CPA6: variants seen among roughly 807,000 people sequenced by gnomAD.
CPA6 encodes the protein carboxypeptidase A6.
In CPA6, 58 loss-of-function variants were observed where a neutral mutation model predicts 63.3. That is an observed-to-expected ratio of 0.92 (90% CI 0.74 to 1.14). The LOEUF is 1.14. Ranked by LOEUF, CPA6 falls within the 50% of genes most tolerant of loss-of-function variation. The pLI, the probability that CPA6 is intolerant of heterozygous loss-of-function variation, is 0.00. For missense variants in CPA6, 565 were observed against 526.6 expected, an observed-to-expected ratio of 1.07 and a Z score of -0.71; for synonymous variants, 185 against 179.0, an observed-to-expected ratio of 1.03 and a Z score of -0.27.
intron 2 of CPA6, among the ~76,000 whole-genome samples, chr8:67,610,395 G>GA (rs1216938446): frequency 4.6e-5 from 7 of 151,618 alleles, no homozygotes; most frequent in Admixed American, 1.3e-4. Context: ...AAAAAAGAGA[G>GA]AAAAAAAATA....
At chr8:67,632,156 G>T (rs545580153) in intron 1 of CPA6, among the ~76,000 whole-genome samples, 93 of 83,252 alleles carry the variant, frequency 1.1e-3, no homozygotes, top group African/African-American at 5.1e-3. Context: ...TGCTGTGTGT[G>T]TGTGTGTGTG....
At chr8:67,670,290 C>A (rs1182442500) in intron 1 of CPA6, among the ~76,000 whole-genome samples, 1 of 152,150 alleles carries the variant, frequency 6.6e-6, no homozygotes, top group African/African-American at 2.4e-5. Context: ...GAGGGGGAAG[C>A]AGGCAGGTCT....
At chr8:67,536,990 A>T (rs772520624) in intron 2 of CPA6, among the ~76,000 whole-genome samples, 29 of 152,142 alleles carry the variant, frequency 1.9e-4, no homozygotes, top group Non-Finnish European at 3.1e-4. Context: ...TATGTGATGA[A>T]TTACATTTGT....
In CPA6 at chr8:67,624,198, T is replaced by C. The variant is rs1188067416; in HGVS notation, c.170A>G (p.Lys57Arg). 3 of 1,550,764 alleles carry C rather than the reference T, an allele frequency of 1.9e-6. No individual in the cohort carries two copies. The Admixed American group carries it at 5.1e-5, about 26-fold the overall frequency. The change falls in exon 2 of 11, where the codon AAG (lysine) becomes AGG (arginine). Residue 57 changes from lysine to arginine, a missense_variant. Lys to Arg is a conservative substitution (Grantham distance 26, BLOSUM62 2). Coordinates refer to ENST00000297770, the MANE Select transcript of CPA6 (RefSeq NM_020361.5). ...TACCTTAAGTTGATAGGATATTTTC[T>C]TCAGTGCATATGCTTCCTCTTCTGT... ...PKTEEEAYALKKISYQLKVDL... is the reference protein window; with the variant it reads ...PKTEEEAYALRKISYQLKVDL...
chr8:67,730,886 T>A (rs903787502), intron 1 of CPA6, among the ~76,000 whole-genome samples: 1 of 152,226 alleles, frequency 6.6e-6, no homozygotes, highest in Non-Finnish European at 1.5e-5. Context: ...CCAGAAGCCA[T>A]GTATAATAAC....
intron 2 of CPA6, among the ~76,000 whole-genome samples, chr8:67,623,771 C>A (rs1815134627): frequency 1.3e-5 from 2 of 151,982 alleles, no homozygotes; most frequent in South Asian, 4.2e-4. Context: ...CCTTTAAAAG[C>A]TCTTTTGGCT....
chr8:67,638,759 T>C (rs188965817), intron 1 of CPA6, among the ~76,000 whole-genome samples: 2 of 151,730 alleles, frequency 1.3e-5, no homozygotes, highest in African/African-American at 2.4e-5. Context: ...CCATGAAAAC[T>C]GTTGAGATGA....
intron 6 of CPA6, among the ~76,000 whole-genome samples, chr8:67,493,943 C>T (rs1413738132): frequency 2.0e-5 from 3 of 152,090 alleles, no homozygotes; most frequent in African/African-American, 7.2e-5. Context: ...TTTGGTCTGC[C>T]ACTGAATTAA....
Position 67,526,297 on chromosome 8 carries a change from G to A in CPA6, c.193-8250C>T, listed in dbSNP as rs114392603. Among the ~76,000 whole-genome samples, 502 of 152,312 alleles carry A rather than the reference G, an allele frequency of 3.3e-3. 2 individuals carry two copies. Among genetic ancestry groups the A allele is most frequent in the African/African-American group, 0.011 (447 of 41,564 alleles). On this transcript the variant is annotated intron_variant, in intron 2 of 10. Transcript: ENST00000297770. ...TGGGTCTAAAACTGTAATTGGTAAAGAAGCAGTGGTCACTGACATTAGCCA... is the reference window on the plus strand; with the variant it reads ...TGGGTCTAAAACTGTAATTGGTAAAAAAGCAGTGGTCACTGACATTAGCCA...
At chr8:67,658,157 C>A (rs1474296884) in intron 1 of CPA6, among the ~76,000 whole-genome samples, 3 of 152,180 alleles carry the variant, frequency 2.0e-5, no homozygotes, top group Admixed American at 1.3e-4. Flanking sequence ...TTATAACACC[C>A]ACCTAACAGA....
chr8:67,558,452 C>G (rs1449124199), intron 2 of CPA6, among the ~76,000 whole-genome samples: 1 of 152,122 alleles, frequency 6.6e-6, no homozygotes, highest in East Asian at 1.9e-4. Context: ...ATTTATTGAA[C>G]AAACAATACA....
chr8:67,445,210 A>C (rs970763243), intron 8 of CPA6, among the ~76,000 whole-genome samples: 2 of 150,526 alleles, frequency 1.3e-5, no homozygotes, highest in Non-Finnish European at 2.9e-5. Context: ...CTTGGGGATA[A>C]GAGGCAGATT....
chr8:67,696,796 A>C (rs1276614866), intron 1 of CPA6, among the ~76,000 whole-genome samples: 1 of 152,194 alleles, frequency 6.6e-6, no homozygotes, highest in African/African-American at 2.4e-5. Context: ...GAAAAGGTAA[A>C]CCTGTTGTTA....
chr8:67,631,236 G>A (rs1023801123), intron 1 of CPA6, among the ~76,000 whole-genome samples: 1 of 152,188 alleles, frequency 6.6e-6, no homozygotes. Flanking sequence ...TGGCATATGC[G>A]CCAATCAGCA....
intron 2 of CPA6, among the ~76,000 whole-genome samples, chr8:67,577,185 C>T (rs946288321): frequency 1.3e-5 from 2 of 152,142 alleles, no homozygotes; most frequent in African/African-American, 4.8e-5. Flanking sequence ...CCATTTAACC[C>T]AAACTAATTA....
chr8:67,548,564 C>A (rs1041971379), intron 2 of CPA6, among the ~76,000 whole-genome samples: 3 of 151,904 alleles, frequency 2.0e-5, no homozygotes, highest in Non-Finnish European at 4.4e-5. Flanking sequence ...ATTATTTTTT[C>A]TTATAAGAAA....
At chr8:67,643,275 C>T (rs1305124873) in intron 1 of CPA6, among the ~76,000 whole-genome samples, 1 of 152,128 alleles carries the variant, frequency 6.6e-6, no homozygotes, top group African/African-American at 2.4e-5. Context: ...ATACAGGAAT[C>T]GCAGCTTTAT....
chr8:67,574,513 A>G (rs1813572829), intron 2 of CPA6, among the ~76,000 whole-genome samples: 1 of 152,242 alleles, frequency 6.6e-6, no homozygotes, highest in Non-Finnish European at 1.5e-5. Flanking sequence ...ATAGTAATTA[A>G]AAGAGCATGG....
At chr8:67,488,617 G>A (rs1563973477) in intron 6 of CPA6, among the ~76,000 whole-genome samples, 4 of 152,164 alleles carry the variant, frequency 2.6e-5, no homozygotes, top group Admixed American at 1.3e-4. Context: ...GATGGGGATG[G>A]CATTGAATCT....
Sources: allele counts gnomAD v4.1 joint callset (sites outside exome capture counted in the v4.1 genomes callset), GRCh38; gene constraint gnomAD v4.1.1; transcripts MANE v1.5; gene names NCBI Gene and HGNC (gene_info 2026-07-23, HGNC 2026-07-21).